ACTR3C: variants seen among roughly 807,000 people sequenced by gnomAD.
ACTR3C encodes actin-related protein 3C.
Under a neutral mutation model 26.3 loss-of-function variants are expected in ACTR3C, and 18 were observed. The ratio of observed to expected loss-of-function variants is 0.68; its 90% CI spans 0.47 to 1.01. The LOEUF is 1.01. Ranked by LOEUF, ACTR3C falls within the 50% of genes least tolerant of loss-of-function variation. The pLI is 0.00. For synonymous variants in ACTR3C, 55 were observed against 94.5 expected (o/e 0.58, Z 2.42); for missense variants, 184 against 250.7 (o/e 0.73, Z 1.80).
chr7:150,049,051 C>T, the ACTR3C span, among the ~76,000 whole-genome samples: 1 of 152,100 alleles, frequency 6.6e-6, no homozygotes, highest in Admixed American at 6.5e-5. Flanking sequence ...CTCACTGTGC[C>T]CGCCGAGAGC....
chr7:150,199,724 T>TAAAAA, the ACTR3C span, among the ~76,000 whole-genome samples: 3 of 19,120 alleles, frequency 1.6e-4, no homozygotes, highest in Non-Finnish European at 3.3e-4. Flanking sequence ...AATATTTTTA[T>TAAAAA]CAAAAAAAAA....
chr7:149,963,386 T>G, the ACTR3C span, among the ~76,000 whole-genome samples: 14 of 152,192 alleles, frequency 9.2e-5, no homozygotes, highest in African/African-American at 3.1e-4. Flanking sequence ...AGTGAGGAAG[T>G]CGAAGGAGAA....
chr7:150,112,353 C>T, the ACTR3C span, among the ~76,000 whole-genome samples: 1 of 152,236 alleles, frequency 6.6e-6, no homozygotes, highest in Non-Finnish European at 1.5e-5. Flanking sequence ...AACGGTAACA[C>T]TGTCCATCTC....
chr7:149,966,930 C>T, the ACTR3C span, among the ~76,000 whole-genome samples: 3 of 151,482 alleles, frequency 2.0e-5, no homozygotes, highest in South Asian at 2.1e-4. Flanking sequence ...GGCGTGATCT[C>T]GGCTCACTGC....
the ACTR3C span, among the ~76,000 whole-genome samples, chr7:149,885,490 A>G: frequency 6.6e-6 from 1 of 152,216 alleles, no homozygotes; most frequent in Non-Finnish European, 1.5e-5. Flanking sequence ...CCCCGAGCCC[A>G]GTGGAACTTT....
the ACTR3C span, among the ~76,000 whole-genome samples, chr7:150,140,663 C>G: frequency 6.6e-6 from 1 of 152,150 alleles, no homozygotes; most frequent in Non-Finnish European, 1.5e-5. Flanking sequence ...GTTTTTTACT[C>G]TTTTCAAAAA....
At chr7:150,220,371 G>A in the ACTR3C span, among the ~76,000 whole-genome samples, 11 of 145,800 alleles carry the variant, frequency 7.5e-5, no homozygotes, top group Non-Finnish European at 1.3e-4. Context: ...GGAGGGTGGC[G>A]ACAGAGGTGC....
chr7:150,223,403 G>A, the ACTR3C span, among the ~76,000 whole-genome samples: 1 of 152,008 alleles, frequency 6.6e-6, no homozygotes, highest in Non-Finnish European at 1.5e-5. Context: ...TTTTCTTTGT[G>A]AACTCACACT....
the ACTR3C span, among the ~76,000 whole-genome samples, chr7:150,136,006 A>G: frequency 6.6e-6 from 1 of 152,218 alleles, no homozygotes; most frequent in South Asian, 2.1e-4. Flanking sequence ...TGTCATGATG[A>G]AGAAATCACC....
intron 1 of ACTR3C, among the ~76,000 whole-genome samples, chr7:150,314,159 G>A (rs554245702): frequency 6.6e-6 from 1 of 152,260 alleles, no homozygotes; most frequent in African/African-American, 2.4e-5. Context: ...TGTCTCCTAG[G>A]GTCAGTGGCA....
chr7:150,042,401 C>T, the ACTR3C span, among the ~76,000 whole-genome samples: 11 of 146,366 alleles, frequency 7.5e-5, no homozygotes, highest in Non-Finnish European at 1.2e-4. Flanking sequence ...GAGGGGCTCG[C>T]TCTCAGTCCC....
At chr7:150,144,775 C>T in the ACTR3C span, among the ~76,000 whole-genome samples, 46 of 152,170 alleles carry the variant, frequency 3.0e-4, no homozygotes, top group Admixed American at 2.6e-3. The surrounding 1 kb of genome is among the most constrained non-coding windows in gnomAD (Gnocchi z 4.6). Context: ...TAACCGGGCA[C>T]GGTGGCTCAT....
At chr7:150,103,168 C>T in the ACTR3C span, among the ~76,000 whole-genome samples, 2 of 151,798 alleles carry the variant, frequency 1.3e-5, no homozygotes, top group African/African-American at 2.4e-5. Context: ...AGGAGATGGG[C>T]CTTAAGTGAT....
the ACTR3C span, among the ~76,000 whole-genome samples, chr7:149,959,872 A>G: frequency 1.4e-4 from 22 of 152,290 alleles, no homozygotes; most frequent in South Asian, 4.6e-3. Flanking sequence ...GCGGACATAC[A>G]CTGTGGTAAG....
At chr7:150,145,309 G>A in the ACTR3C span, among the ~76,000 whole-genome samples, 3 of 152,152 alleles carry the variant, frequency 2.0e-5, no homozygotes, top group South Asian at 2.1e-4. Flanking sequence ...GTCCCCAGCT[G>A]TATAAATATG....
chr7:149,920,061 T>C, the ACTR3C span, among the ~76,000 whole-genome samples: 1 of 152,002 alleles, frequency 6.6e-6, no homozygotes, highest in Non-Finnish European at 1.5e-5. Flanking sequence ...TTCTGGCTTA[T>C]TTCTCCAAGA....
At chr7:150,038,064 G>T in the ACTR3C span, among the ~76,000 whole-genome samples, 5 of 137,702 alleles carry the variant, frequency 3.6e-5, 1 homozygote, top group African/African-American at 1.4e-4. Context: ...TTGGCTCTGA[G>T]TCCCCACCTC....
the ACTR3C span, among the ~76,000 whole-genome samples, chr7:150,163,160 AAG>A: frequency 5.2e-3 from 778 of 150,102 alleles, 10 homozygotes; most frequent in African/African-American, 0.017. Context: ...TCTCAAAAAA[AAG>A]AAAAAAAAGT....
the ACTR3C span, chr7:150,047,942 A>C: frequency 8.3e-7 from 1 of 1,200,736 alleles, no homozygotes; most frequent in African/African-American, 1.8e-5. Flanking sequence ...GCTCCAGATT[A>C]AAAAAAAGGC....
Sources: allele counts gnomAD v4.1 joint callset (sites outside exome capture counted in the v4.1 genomes callset), GRCh38; gene constraint gnomAD v4.1.1; non-coding constraint Gnocchi (gnomAD v3.1); transcripts MANE v1.5; gene names NCBI Gene and HGNC (gene_info 2026-07-23, HGNC 2026-07-21).